SPAG16: variants seen among roughly 807,000 people sequenced by gnomAD.
SPAG16 encodes sperm associated antigen 16.
SPAG16 carries 86 observed loss-of-function variants against 80.4 expected under a neutral mutation model. The ratio of observed to expected loss-of-function variants is 1.07; its 90% CI spans 0.90 to 1.28. The LOEUF is 1.28. SPAG16 is among the 50% of genes most tolerant of loss of function. SPAG16 has a pLI of 0.00. For missense variants in SPAG16, 870 were observed against 765.3 expected, an observed-to-expected ratio of 1.14 and a Z score of -1.61; for synonymous variants, 294 against 265.9, an observed-to-expected ratio of 1.11 and a Z score of -1.03.
chr2:213,403,339 A>G (rs1184295599), intron 9 of SPAG16, among the ~76,000 whole-genome samples: 1 of 152,088 alleles, frequency 6.6e-6, no homozygotes, highest in Non-Finnish European at 1.5e-5. Flanking sequence ...CCTTTGTCAG[A>G]TGAGTAGGTT....
chr2:214,139,611 A>G (rs2125530720), intron 14 of SPAG16, among the ~76,000 whole-genome samples: 1 of 152,276 alleles, frequency 6.6e-6, no homozygotes, highest in South Asian at 2.1e-4. Flanking sequence ...TTTTATTAAT[A>G]ATGGCTTCAG....
At position 213,567,381 on chromosome 2, in the gene SPAG16, C is replaced by A. The variant is rs796612995; in HGVS notation, c.1070+77291C>A. ...ATATCTCCCAATGCTATCCCTCCCCCCTCCCCCGACCCCACCACAGTCCCC... is the reference window on the plus strand; with the variant it reads ...ATATCTCCCAATGCTATCCCTCCCCACTCCCCCGACCCCACCACAGTCCCC... On this transcript the variant is annotated intron_variant, in intron 10 of 15. Coordinates refer to ENST00000331683, the MANE Select transcript of SPAG16 (RefSeq NM_024532.5). 7.3e-5 allele frequency among the ~76,000 whole-genome samples: 7 copies of A among 95,284 alleles called. No homozygotes were observed. In the East Asian group the frequency reaches 1.6e-3, roughly 21 times the overall value. 62.5% of individuals were successfully genotyped at this position (95,284 alleles called of 152,430 possible).
At chr2:213,732,420 A>G (rs2067092306) in intron 10 of SPAG16, among the ~76,000 whole-genome samples, 1 of 152,188 alleles carries the variant, frequency 6.6e-6, no homozygotes, top group African/African-American at 2.4e-5. Context: ...CCACTGCTCA[A>G]AAGATCCACT....
At chr2:213,369,637 A>T (rs1039562185) in intron 8 of SPAG16, among the ~76,000 whole-genome samples, 2 of 152,148 alleles carry the variant, frequency 1.3e-5, no homozygotes, top group Non-Finnish European at 1.5e-5. Flanking sequence ...GTATTCTCAG[A>T]CATGACTAGA....
chr2:213,730,602 A>G (rs1159420239), intron 10 of SPAG16, among the ~76,000 whole-genome samples: 2 of 152,060 alleles, frequency 1.3e-5, no homozygotes, highest in East Asian at 1.9e-4. Flanking sequence ...TATTTCCCCT[A>G]TGGGTTCTTT....
At chr2:214,097,720 C>T (rs867379359) in intron 13 of SPAG16, among the ~76,000 whole-genome samples, 13 of 151,862 alleles carry the variant, frequency 8.6e-5, no homozygotes, top group Admixed American at 3.3e-4. Flanking sequence ...ATGCTTCCCA[C>T]GTGCTAATTC....
intron 15 of SPAG16, among the ~76,000 whole-genome samples, chr2:214,287,460 T>A (rs1309760656): frequency 6.6e-6 from 1 of 152,222 alleles, no homozygotes; most frequent in East Asian, 1.9e-4. Context: ...AGAGATTAAA[T>A]CTCTTTAAAA....
At chr2:214,398,907 T>A (rs886932279) in intron 15 of SPAG16, among the ~76,000 whole-genome samples, 1 of 152,340 alleles carries the variant, frequency 6.6e-6, no homozygotes, top group East Asian at 1.9e-4. Context: ...TCAATATCTT[T>A]CTCTGTAAAA....
intron 15 of SPAG16, among the ~76,000 whole-genome samples, chr2:214,304,629 T>C (rs7577317): frequency 0.53 from 80,480 of 152,062 alleles, 24,133 homozygotes; most frequent in South Asian, 0.7. Flanking sequence ...GATTTTCCAC[T>C]TCACACCTCT....
At chr2:214,040,171 T>G (rs1439231243) in intron 13 of SPAG16, among the ~76,000 whole-genome samples, 1 of 152,196 alleles carries the variant, frequency 6.6e-6, no homozygotes, top group East Asian at 1.9e-4. Flanking sequence ...GAATAATGGC[T>G]GGCAATTGCT....
At chr2:214,233,280 A>G (rs1024556563) in intron 15 of SPAG16, among the ~76,000 whole-genome samples, 11 of 151,916 alleles carry the variant, frequency 7.2e-5, no homozygotes, top group Admixed American at 7.2e-4. Flanking sequence ...TTTGCTTTAC[A>G]ATAACACATT....
chr2:213,412,093 A>C (rs1333686742), intron 9 of SPAG16, among the ~76,000 whole-genome samples: 1 of 151,942 alleles, frequency 6.6e-6, no homozygotes, highest in Non-Finnish European at 1.5e-5. Flanking sequence ...ACCCTGACTC[A>C]TTCTGATCAC....
intron 11 of SPAG16, among the ~76,000 whole-genome samples, chr2:213,892,645 C>G (rs1010974592): frequency 6.6e-6 from 1 of 151,982 alleles, no homozygotes; most frequent in Non-Finnish European, 1.5e-5. Flanking sequence ...AATCGTAGAG[C>G]TGAGAAATAC....
At chr2:213,615,823 G>T (rs1034650176) in intron 10 of SPAG16, among the ~76,000 whole-genome samples, 1 of 151,908 alleles carries the variant, frequency 6.6e-6, no homozygotes, top group Admixed American at 6.6e-5. Flanking sequence ...TATATATTAT[G>T]TTATAGGGTT....
At chr2:213,433,729 A>G (rs1430937158) in intron 9 of SPAG16, among the ~76,000 whole-genome samples, 1 of 152,164 alleles carries the variant, frequency 6.6e-6, no homozygotes, top group Non-Finnish European at 1.5e-5. Context: ...GTCATTATAA[A>G]GAATTATAAA....
intron 9 of SPAG16, among the ~76,000 whole-genome samples, chr2:213,488,008 T>A (rs2074061821): frequency 2.0e-5 from 3 of 152,082 alleles, no homozygotes; most frequent in Non-Finnish European, 4.4e-5. Flanking sequence ...TGGCAATAAT[T>A]TTTTCCATAG....
At chr2:214,105,495 T>G (rs1380487825) in intron 13 of SPAG16, among the ~76,000 whole-genome samples, 5 of 152,164 alleles carry the variant, frequency 3.3e-5, no homozygotes, top group Non-Finnish European at 5.9e-5. Context: ...AAGCAATTTG[T>G]TTAAGGTCAC....
chr2:213,620,289 T>TTTG (rs1457999109), intron 10 of SPAG16, among the ~76,000 whole-genome samples: 185 of 123,978 alleles, frequency 1.5e-3, no homozygotes, highest in African/African-American at 5.7e-3. Context: ...GAGTTTTTTT[T>TTTG]TTTTTTTTTT....
At chr2:213,479,094 C>CTTTTTTT (rs148476714) in intron 9 of SPAG16, among the ~76,000 whole-genome samples, 13 of 94,346 alleles carry the variant, frequency 1.4e-4, no homozygotes, top group Non-Finnish European at 1.9e-4. Flanking sequence ...CACTGGCTTC[C>CTTTTTTT]TTTTTTTTTT....
Sources: allele counts gnomAD v4.1 joint callset (sites outside exome capture counted in the v4.1 genomes callset), GRCh38; gene constraint gnomAD v4.1.1; transcripts MANE v1.5; gene names NCBI Gene and HGNC (gene_info 2026-07-23, HGNC 2026-07-21).